INSL6: variants seen among roughly 807,000 people sequenced by gnomAD.
The protein encoded by INSL6 is insulin like 6, also known as insulin-like peptide INSL6.
A neutral mutation model predicts 9.4 loss-of-function variants in INSL6; 16 were observed. The observed-to-expected ratio is 1.70, with a 90% CI of 1.15 to 2.59. The LOEUF is 2.59. Among genes scored for constraint, INSL6 ranks in the 30% most tolerant of loss-of-function variants. INSL6 has a pLI of 0.00. For synonymous variants in INSL6, 154 were observed against 96.9 expected, an observed-to-expected ratio of 1.59 and a Z score of -3.46; for missense variants, 391 against 257.3, an observed-to-expected ratio of 1.52 and a Z score of -3.56.
At chr9:5,139,153 C>T (rs1824441626) in intron 2 of INSL6, among the ~76,000 whole-genome samples, 1 of 152,124 alleles carries the variant, frequency 6.6e-6, no homozygotes, top group African/African-American at 2.4e-5. Context: ...ACCCAGAAGA[C>T]AATGTGCTCT....
chr9:5,010,860 T>C, the INSL6 span, among the ~76,000 whole-genome samples: 4 of 152,202 alleles, frequency 2.6e-5, no homozygotes, highest in Admixed American at 6.5e-5. Context: ...AAAATTCTTA[T>C]TTTTTATAAT....
At chr9:5,022,744 C>G in the INSL6 span, among the ~76,000 whole-genome samples, 1 of 152,090 alleles carries the variant, frequency 6.6e-6, no homozygotes, top group Non-Finnish European at 1.5e-5. Flanking sequence ...AACTGTGAAC[C>G]AGAGAACTCT....
At chr9:5,041,875 C>G in the INSL6 span, 5 of 439,388 alleles carry the variant, frequency 1.1e-5, no homozygotes, top group Non-Finnish European at 2.2e-5. Context: ...GCCGGCCACT[C>G]CAGCGCCCAT....
chr9:5,015,109 G>T, the INSL6 span, among the ~76,000 whole-genome samples: 14 of 152,238 alleles, frequency 9.2e-5, no homozygotes, highest in African/African-American at 1.9e-4. Context: ...TAAAGCTATA[G>T]TTCATTTATT....
the INSL6 span, chr9:5,085,859 G>C: frequency 0.53 from 409,841 of 773,238 alleles, 109,513 homozygotes; most frequent in African/African-American, 0.63. Context: ...AGTACTCAGA[G>C]ATTTCCTTAA....
the INSL6 span, among the ~76,000 whole-genome samples, chr9:5,116,349 G>C: frequency 6.6e-6 from 1 of 152,118 alleles, no homozygotes; most frequent in Admixed American, 6.6e-5. Flanking sequence ...GGGTAGGTTT[G>C]AAATTTTTCA....
the INSL6 span, among the ~76,000 whole-genome samples, chr9:5,039,916 C>G: frequency 2.6e-5 from 4 of 152,110 alleles, no homozygotes; most frequent in Non-Finnish European, 4.4e-5. Flanking sequence ...CAATGCAATT[C>G]CTACTGAATT....
chr9:5,121,663 GATT>G (rs1823624099), downstream of INSL6, among the ~76,000 whole-genome samples: 1 of 152,108 alleles, frequency 6.6e-6, no homozygotes, highest in African/African-American at 2.4e-5. Context: ...ATTTTTAAAA[GATT>G]TACATACACT....
the INSL6 span, among the ~76,000 whole-genome samples, chr9:5,023,289 G>A: frequency 3.9e-5 from 6 of 152,098 alleles, no homozygotes; most frequent in African/African-American, 9.7e-5. Context: ...TATTTCACTC[G>A]ACATAATGAC....
exon 4 of INSL6, among the ~76,000 whole-genome samples, chr9:5,123,887 T>C (rs533252114): frequency 6.6e-6 from 1 of 151,002 alleles, no homozygotes; most frequent in African/African-American, 2.4e-5. Flanking sequence ...TAATTTTTTC[T>C]CTTTTTTTTT....
the INSL6 span, chr9:5,050,679 GTTTTAGTGGCGGCATGA>G: frequency 6.2e-7 from 1 of 1,609,270 alleles, no homozygotes; most frequent in Non-Finnish European, 8.5e-7. Flanking sequence ...CAAATTTTTG[GTTTTAGTGGCGGCATGA>G]TTTTGTGCAC....
intron 3 of INSL6, among the ~76,000 whole-genome samples, chr9:5,128,592 T>TAA (rs1554687494): frequency 1.3e-5 from 2 of 151,952 alleles, no homozygotes; most frequent in Non-Finnish European, 3.0e-5. Context: ...AGATGTGAAC[T>TAA]AACTTTTCTT....
downstream of INSL6, among the ~76,000 whole-genome samples, chr9:5,162,735 A>C (rs533222280): frequency 6.6e-6 from 1 of 152,344 alleles, no homozygotes; most frequent in East Asian, 1.9e-4. Context: ...ATTAATGCAA[A>C]GTATGTATGA....
the INSL6 span, among the ~76,000 whole-genome samples, chr9:5,079,802 C>T: frequency 6.6e-6 from 1 of 151,702 alleles, no homozygotes; most frequent in Non-Finnish European, 1.5e-5. Context: ...CTGAGTGACA[C>T]AGTGACACCC....
the INSL6 span, chr9:5,029,657 C>T: frequency 5.3e-6 from 4 of 758,720 alleles, no homozygotes; most frequent in South Asian, 2.2e-5. Context: ...CAAAAGATTT[C>T]GACTGCTATT....
chr9:5,135,621 C>T (rs1461864178), intron 2 of INSL6, among the ~76,000 whole-genome samples: 1 of 152,126 alleles, frequency 6.6e-6, no homozygotes, highest in African/African-American at 2.4e-5. Flanking sequence ...ACATTTAAAG[C>T]AGTGTGTAGA....
At chr9:5,022,252 G>C in the INSL6 span, 1 of 1,414,260 alleles carries the variant, frequency 7.1e-7, no homozygotes, top group East Asian at 2.3e-5. Context: ...TTTATGCATG[G>C]ATTGTTTTAA....
chr9:5,085,535 T>G, the INSL6 span: 1 of 709,390 alleles, frequency 1.4e-6, no homozygotes, highest in African/African-American at 1.7e-5. Flanking sequence ...AAATCTTCAA[T>G]AACTCGGGTT....
At chr9:5,046,199 G>C in the INSL6 span, among the ~76,000 whole-genome samples, 1 of 152,020 alleles carries the variant, frequency 6.6e-6, no homozygotes, top group South Asian at 2.1e-4. Flanking sequence ...TTGCTTGTTG[G>C]CTATTTGTTT....
Sources: gnomAD v4.1 joint callset for allele counts (sites outside exome capture counted in the v4.1 genomes callset) on GRCh38, gnomAD v4.1.1 for gene constraint, MANE v1.5 for transcripts, NCBI Gene and HGNC (gene_info 2026-07-23, HGNC 2026-07-21) for gene names.